BAG3: variants seen among roughly 807,000 people sequenced by gnomAD.
The protein encoded by BAG3 is BAG cochaperone 3, also known as BAG family molecular chaperone regulator 3.
Under a neutral mutation model 40.5 loss-of-function variants are expected in BAG3, and 14 were observed. That is an observed-to-expected ratio of 0.35 (90% confidence interval 0.23 to 0.54). The LOEUF (loss-of-function observed/expected upper bound fraction) is 0.54. BAG3 is among the 20% of genes least tolerant of loss of function. BAG3 has a pLI of 0.91. For missense variants in BAG3, 788 were observed against 758.6 expected (o/e 1.04, Z -0.46); for synonymous variants, 302 against 307.8 (o/e 0.98, Z 0.20).
intron 2 of BAG3, among the ~76,000 whole-genome samples, chr10:119,670,412 T>G (rs1847133853): frequency 6.6e-6 from 1 of 152,246 alleles, no homozygotes; most frequent in Non-Finnish European, 1.5e-5. Flanking sequence ...TCATGTGGCT[T>G]CTTTTTGTAG....
chr10:119,665,144 A>ATTTTTTTTTTT (rs1161102936), intron 1 of BAG3, among the ~76,000 whole-genome samples: 1 of 88,790 alleles, frequency 1.1e-5, no homozygotes, highest in African/African-American at 4.5e-5. Context: ...ATATATATAT[A>ATTTTTTTTTTT]TTTTTTTTTT....
intron 1 of BAG3, among the ~76,000 whole-genome samples, chr10:119,668,849 G>C (rs1428582578): frequency 6.6e-6 from 1 of 152,250 alleles, no homozygotes; most frequent in African/African-American, 2.4e-5. Flanking sequence ...GATAGGCACA[G>C]GGACCACGGC....
At chr10:119,669,035 G>A (rs531384297) in intron 1 of BAG3, among the ~76,000 whole-genome samples, 9 of 152,322 alleles carry the variant, frequency 5.9e-5, no homozygotes, top group African/African-American at 2.2e-4. Context: ...ACAGGCCAGG[G>A]TGATTAGACA....
At chr10:119,666,579 AGATGCACGAGGTGCTCAGCG>A (rs1847071547) in intron 1 of BAG3, among the ~76,000 whole-genome samples, 1 of 152,034 alleles carries the variant, frequency 6.6e-6, no homozygotes, top group African/African-American at 2.4e-5. Flanking sequence ...GTGCTCAGCG[AGATGCACGAGGTGCTCAGCG>A]AGATGCATGA....
At chr10:119,661,015 C>G (rs1237854374) in intron 1 of BAG3, among the ~76,000 whole-genome samples, 2 of 152,170 alleles carry the variant, frequency 1.3e-5, no homozygotes, top group Non-Finnish European at 2.9e-5. Context: ...ATCGCTTGAA[C>G]CCGGGAGGCA....
rs879223257 is a variant in BAG3 at position 119,651,589 on chromosome 10, G to T, written c.-87G>T. 6.0e-5 allele frequency: 76 copies of T among 1,260,120 alleles called. 1 individual carries two copies. In the South Asian group the frequency reaches 1.5e-3, roughly 24 times the overall value. 78.1% of individuals were successfully genotyped at this position (1,260,120 alleles called of 1,614,324 possible). The stretch of plus-strand genomic sequence containing the variant: ...TCCCGGACACGTCGGCGGCGGAGAG[G>T]GGCCCACGGCGGCGGCCCGGCCAGA... On this transcript the variant is annotated 5_prime_UTR_variant, in exon 1 of 4. Transcript: ENST00000369085.
intron 3 of BAG3, among the ~76,000 whole-genome samples, chr10:119,675,853 GCCCCCTT>G (rs1847220768): frequency 3.6e-5 from 1 of 28,136 alleles, no homozygotes; most frequent in Non-Finnish European, 6.3e-5. Context: ...CTTCCTTCCT[GCCCCCTT>G]CCCCCTTGCC....
At chr10:119,665,866 G>A (rs1453833855) in intron 1 of BAG3, among the ~76,000 whole-genome samples, 1 of 152,044 alleles carries the variant, frequency 6.6e-6, no homozygotes, top group Non-Finnish European at 1.5e-5. Flanking sequence ...TAGATGCAGT[G>A]CTCACAAGGA....
At chr10:119,675,778 T>TCCTTCCCTCCTTCCCTCCCCCTCCCTTC (rs1554877581) in intron 3 of BAG3, among the ~76,000 whole-genome samples, 8,600 of 61,036 alleles carry the variant, frequency 0.14, 761 homozygotes, top group Middle Eastern at 0.19. Flanking sequence ...CCTCCTTCCC[T>TCCTTCCCTCCTTCCCTCCCCCTCCCTTC]CCCCCTCCCT....
chr10:119,660,400 T>A (rs1011177940), intron 1 of BAG3, among the ~76,000 whole-genome samples: 1 of 152,196 alleles, frequency 6.6e-6, no homozygotes, highest in African/African-American at 2.4e-5. Flanking sequence ...AGAGTTGTCT[T>A]TGGCTCTTTG....
intron 1 of BAG3, among the ~76,000 whole-genome samples, chr10:119,652,716 T>C (rs1846860915): frequency 6.6e-6 from 1 of 152,200 alleles, no homozygotes; most frequent in South Asian, 2.1e-4. Context: ...ATACTTAGGA[T>C]TTGTTACCAG....
intron 1 of BAG3, among the ~76,000 whole-genome samples, chr10:119,667,123 C>T (rs1847078434): frequency 6.6e-6 from 1 of 152,064 alleles, no homozygotes; most frequent in Non-Finnish European, 1.5e-5. Flanking sequence ...ACTACAGGTG[C>T]CCCCCACCAT....
intron 1 of BAG3, among the ~76,000 whole-genome samples, chr10:119,654,152 T>G (rs1385876315): frequency 6.6e-6 from 1 of 152,256 alleles, no homozygotes; most frequent in Non-Finnish European, 1.5e-5. Flanking sequence ...GAGTTACACC[T>G]TACTGGAGAC....
rs1433180290 is a variant in BAG3, at chr10:119,651,806, G to A, written c.131G>A (p.Ser44Asn). 1 of 1,598,440 alleles carries A rather than the reference G, an allele frequency of 6.3e-7. No individual in the cohort carries two copies. Among genetic ancestry groups the A allele is most frequent in the Admixed American group, 1.7e-5 (1 of 58,224 alleles). ...TGGCCCTTCTTCGTGGACCACAACA[G>A]CCGCACCACTACGTGGAACGACCCG... ...TGWPFFVDHN[S>N]RTTTWNDPRV... Residue 44 changes from serine (S) to asparagine (N), a missense_variant, in exon 1 of 4, where the codon AGC becomes AAC. Transcript: ENST00000369085.
chr10:119,659,936 A>T (rs1195413262), intron 1 of BAG3, among the ~76,000 whole-genome samples: 1 of 151,922 alleles, frequency 6.6e-6, no homozygotes, highest in Admixed American at 6.5e-5. Context: ...TTTTCCCCTG[A>T]AGAAGAGGTA....
At chr10:119,665,138 A>ATT (rs1442380822) in intron 1 of BAG3, among the ~76,000 whole-genome samples, 15 of 82,432 alleles carry the variant, frequency 1.8e-4, no homozygotes, top group East Asian at 2.7e-4. Flanking sequence ...ATATATATAT[A>ATT]TATATATTTT....
At chr10:119,658,087 A>C (rs1846937342) in intron 1 of BAG3, among the ~76,000 whole-genome samples, 1 of 152,240 alleles carries the variant, frequency 6.6e-6, no homozygotes, top group African/African-American at 2.4e-5. Context: ...TTGGAGAACA[A>C]ACGTTTGCTG....
intron 1 of BAG3, among the ~76,000 whole-genome samples, chr10:119,656,239 T>C (rs1846907816): frequency 6.6e-6 from 1 of 152,160 alleles, no homozygotes; most frequent in Admixed American, 6.6e-5. Flanking sequence ...TGAGACCCTC[T>C]GGCACTGGCG....
intron 1 of BAG3, among the ~76,000 whole-genome samples, chr10:119,657,732 A>C (rs1659428899): frequency 6.6e-6 from 1 of 152,208 alleles, no homozygotes; most frequent in Non-Finnish European, 1.5e-5. Context: ...AGGTCTGGAG[A>C]AGCTCTTTTT....
Sources: gnomAD v4.1 joint callset for allele counts (sites outside exome capture counted in the v4.1 genomes callset) on GRCh38, gnomAD v4.1.1 for gene constraint, MANE v1.5 for transcripts, NCBI Gene and HGNC (gene_info 2026-07-23, HGNC 2026-07-21) for gene names.